The following WNK4 variants were observed in gnomAD, a reference collection of about 807,000 sequenced individuals.
WNK4 encodes the protein WNK lysine deficient protein kinase 4, also known as serine/threonine-protein kinase WNK4.
A neutral mutation model predicts 116.2 loss-of-function variants in WNK4; 94 were observed. That is an observed-to-expected ratio of 0.81 (90% CI 0.68 to 0.96). The LOEUF is 0.96. WNK4 is among the 40% of genes least tolerant of loss of function. The pLI, the probability that WNK4 is intolerant of heterozygous loss-of-function variation, is 0.00. For synonymous variants in WNK4, 655 were observed against 672.7 expected, an observed-to-expected ratio of 0.97 and a Z score of 0.41; for missense variants, 1,542 against 1,650.6, an observed-to-expected ratio of 0.93 and a Z score of 1.14.
In WNK4 at chr17:42,794,601, T is replaced by C. The variant is rs2054641608; in HGVS notation, c.2296-13T>C. 1 of 1,613,824 alleles carries C rather than the reference T, an allele frequency of 6.2e-7. No homozygotes were observed. Among genetic ancestry groups the C allele is most frequent in the Non-Finnish European group, 8.5e-7 (1 of 1,179,932 alleles). On this transcript the variant is annotated splice_polypyrimidine_tract_variant and intron_variant, in intron 12 of 18. Coordinates refer to ENST00000246914, the MANE Select transcript of WNK4 (RefSeq NM_032387.5). ...TTCCCCACTGTGACTGCGGACTCCTTTTTCTGCCTCAGGAGGAGCCAGCAC... is the reference window on the plus strand; with the variant it reads ...TTCCCCACTGTGACTGCGGACTCCTCTTTCTGCCTCAGGAGGAGCCAGCAC...
In WNK4 at chr17:42,785,184, A is replaced by T; in HGVS notation, c.1258A>T (p.Arg420Trp). The T allele has an allele frequency of 6.2e-7, 1 of 1,613,290 alleles. No homozygotes were observed. The highest frequency in any genetic ancestry group is 8.5e-7 in the Non-Finnish European group (1 of 1,179,624). ...EGCIRTDKNE[R>W]FTIQDLLAHA... The stretch of plus-strand genomic sequence containing the variant: ...CTGCATCCGCACGGATAAGAACGAG[A>T]GGTGGGGGTGAAAGGGCAGAGCGTG... Residue 420 changes from arginine to tryptophan, a missense_variant and splice_region_variant, in exon 5 of 19, where the codon AGG becomes TGG. Around this residue, in one of 7 missense-constraint regions of WNK4, gnomAD observed 808 missense variants for 873.6 expected, o/e 0.92. Coordinates refer to ENST00000246914, the MANE Select transcript of WNK4 (RefSeq NM_032387.5).
chr17:42,795,586 C>T (rs376827362), intron 15 of WNK4, 39 bp from the exon 16 acceptor site: 9 of 1,614,234 alleles, frequency 5.6e-6, no homozygotes, highest in Middle Eastern at 3.3e-4. Flanking sequence ...CCTGTCACTG[C>T]TCTCCTTTCC....
At position 42,787,785 on chromosome 17, in the gene WNK4, C is replaced by T. The variant is rs1480992784; in HGVS notation, c.1749C>T (p.Cys583=). The stretch of plus-strand genomic sequence containing the variant: ...CTCTCCCTCCCCAACCAGCGGATTG[C>T]GAGACTGATGGCTACCTCAGCTCCT... ...HASYSSTTSD[C]ETDGYLSSSG... The change falls in exon 8 of 19, where the codon TGC becomes TGT. Residue 583 remains cysteine, a synonymous_variant. Transcript: ENST00000246914. 1.4e-5 allele frequency: 22 copies of T among 1,612,050 alleles called. No individual in the cohort carries two copies. The highest frequency in any genetic ancestry group is 1.6e-4 in the Middle Eastern group (1 of 6,084).
Position 42,788,820 on chromosome 17 carries a change from CAG to C in WNK4, c.2157+26_2157+27del, listed in dbSNP as rs756786942. 5.0e-6 allele frequency: 8 copies of C among 1,585,094 alleles called. No individual in the cohort carries two copies. The African/African-American group carries it at 6.7e-5, about 13-fold the overall frequency. On this transcript the variant is annotated intron_variant, in intron 11 of 18. Coordinates refer to ENST00000246914, the MANE Select transcript of WNK4 (RefSeq NM_032387.5). The stretch of plus-strand genomic sequence containing the variant: ...ATGGTGAGGGGGAGAGAGATGAGGA[CAG>C]AGTGTTTGGATCTGGAACAAGAGTC...
At chr17:42,786,368 G>A (rs1238148793) in intron 6 of WNK4, among the ~76,000 whole-genome samples, 2 of 152,188 alleles carry the variant, frequency 1.3e-5, no homozygotes, top group African/African-American at 2.4e-5. Context: ...TTGGGGGCTG[G>A]CTTAGGAAGT....
At chr17:42,791,589 C>T (rs144585279) in intron 11 of WNK4, among the ~76,000 whole-genome samples, 5 of 150,948 alleles carry the variant, frequency 3.3e-5, no homozygotes, top group Non-Finnish European at 5.9e-5. Context: ...CGGTGAGCCA[C>T]GGTCATACCA....
In WNK4 at chr17:42,780,919, C is replaced by T. The variant is rs763524017; in HGVS notation, c.221C>T (p.Ser74Phe). Residue 74 changes from serine to phenylalanine, a missense_variant, in exon 1 of 19, where the codon TCC becomes TTC. Around this residue, in one of 7 missense-constraint regions of WNK4, gnomAD observed 243 missense variants for 217.8 expected, o/e 1.12. Transcript: ENST00000246914. ...SVDLGLLSSWSLPASPAPDPP... is the reference protein window; with the variant it reads ...SVDLGLLSSWFLPASPAPDPP... ...GACTTGGGGCTGCTGAGCTCTTGGTCCCTGCCAGCCTCACCCGCTCCGGAC... is the reference window on the plus strand; with the variant it reads ...GACTTGGGGCTGCTGAGCTCTTGGTTCCTGCCAGCCTCACCCGCTCCGGAC... 1.2e-6 allele frequency: 2 copies of T among 1,608,640 alleles called. No homozygotes were observed. Among genetic ancestry groups the T allele is most frequent in the Admixed American group, 3.3e-5 (2 of 60,026 alleles).
chr17:42,786,438 G>T (rs1242237021), intron 6 of WNK4, among the ~76,000 whole-genome samples: 4 of 152,162 alleles, frequency 2.6e-5, no homozygotes, highest in Non-Finnish European at 5.9e-5. Context: ...TGTCACCCAG[G>T]CTGGAGTGCA....
Position 42,780,611 on chromosome 17 carries a change from G to GAGCGC in WNK4, c.-81_-77dup, listed in dbSNP as rs2054469799. The GAGCGC allele has an allele frequency of 6.4e-7, 1 of 1,553,510 alleles. No homozygotes were observed. The highest frequency in any genetic ancestry group is 1.4e-5 in the African/African-American group (1 of 71,852). On this transcript the variant is annotated 5_prime_UTR_variant, in exon 1 of 19. Transcript: ENST00000246914. ...GGCTGGGGCCGCAGCCGCTCAGCCGGAGCGCAGCGCACCCAGCGAGTCCGT... is the reference window on the plus strand; with the variant it reads ...GGCTGGGGCCGCAGCCGCTCAGCCGGAGCGCAGCGCAGCGCACCCAGCGAGTCCGT...
chr17:42,796,058 TGAGAG>T, intron 16 of WNK4, 25 bp downstream of exon 16: 1 of 1,613,532 alleles, frequency 6.2e-7, no homozygotes, highest in Non-Finnish European at 8.5e-7. Flanking sequence ...GATGGAGGAG[TGAGAG>T]GAGAACCTGG....
Position 42,796,678 on chromosome 17 carries a change from C to T in WNK4, c.3730-8C>T. 1 of 1,614,154 alleles carries T rather than the reference C, an allele frequency of 6.2e-7. No individual in the cohort carries two copies. The highest frequency in any genetic ancestry group is 8.5e-7 in the Non-Finnish European group (1 of 1,180,022). On this transcript the variant is annotated splice_region_variant and splice_polypyrimidine_tract_variant and intron_variant, in intron 18 of 18. Coordinates refer to ENST00000246914, the MANE Select transcript of WNK4 (RefSeq NM_032387.5). ...AGGTTTCTTCATCACTTTTTCTTTT[C>T]CCTCCAGTGAATTCAGAACAGAAGC...
At chr17:42,795,599 A>C in intron 15 of WNK4, 26 bp from the exon 16 acceptor site, 1 of 1,613,916 alleles carries the variant, frequency 6.2e-7, no homozygotes, top group Non-Finnish European at 8.5e-7. Context: ...TCCTTTCCTC[A>C]TGCCTTCTTC....
chr17:42,780,911 C>G lies in WNK4; in HGVS notation c.213C>G (p.Ser71Arg). ...RRSSVDLGLL[S>R]SWSLPASPAP... ...GCTCAGTCGACTTGGGGCTGCTGAG[C>G]TCTTGGTCCCTGCCAGCCTCACCCG... Residue 71 changes from serine to arginine, a missense_variant, in exon 1 of 19, where the codon AGC becomes AGG. Ser to Arg is a moderately radical substitution (Grantham distance 110). This residue lies in a region of WNK4 where 243 missense variants were observed against 217.8 expected (regional missense o/e 1.12). Coordinates refer to ENST00000246914, the MANE Select transcript of WNK4 (RefSeq NM_032387.5). 6.2e-7 allele frequency: 1 copy of G among 1,608,064 alleles called. No individual in the cohort carries two copies. The highest frequency in any genetic ancestry group is 8.5e-7 in the Non-Finnish European group (1 of 1,179,712).
chr17:42,792,419 C>A (rs1446294910), intron 11 of WNK4, among the ~76,000 whole-genome samples: 2 of 152,138 alleles, frequency 1.3e-5, no homozygotes, highest in African/African-American at 4.8e-5. Flanking sequence ...CCACCGTAAC[C>A]ATTTTTAAGT....
chr17:42,788,924 C>A, intron 11 of WNK4, 127 bp downstream of exon 11: 2 of 789,750 alleles, frequency 2.5e-6, no homozygotes, highest in Non-Finnish European at 4.5e-6. Flanking sequence ...TGACACTTAG[C>A]ACAGTAACGC....
At chr17:42,793,957 A>G (rs1488403756) in intron 12 of WNK4, 1 of 502,596 alleles carries the variant, frequency 2.0e-6, no homozygotes, top group Non-Finnish European at 3.6e-6. Flanking sequence ...GGTTCACGCC[A>G]TTCTCCTGTC....
chr17:42,785,244 C>G, intron 5 of WNK4, 22 bp from the exon 6 acceptor site: 1 of 1,607,028 alleles, frequency 6.2e-7, no homozygotes, highest in Non-Finnish European at 8.5e-7. Context: ...GCGGGCTCGG[C>G]TCACCCACGC....
rs1256691232 is a variant in WNK4 at position 42,795,872 on chromosome 17, T to C, written c.3270T>C (p.Asp1090=). ...LGAGVEEEGD[D]GKEPQVGGSP... ...CTGGAGTTGAGGAGGAAGGAGATGA[T>C]GGGAAGGAACCCCAAGTTGGGGGCA... The change falls in exon 16 of 19, where the codon GAT becomes GAC. Residue 1090 remains aspartate (D), a synonymous_variant. Transcript: ENST00000246914. 6 of 1,612,292 alleles carry C rather than the reference T, an allele frequency of 3.7e-6. No homozygotes were observed. The highest frequency in any genetic ancestry group is 1.3e-5 in the African/African-American group (1 of 74,800).
intron 10 of WNK4, 104 bp from the exon 11 acceptor site, chr17:42,788,577 C>A: frequency 8.5e-7 from 1 of 1,179,572 alleles, no homozygotes. Flanking sequence ...GTCTACTTAT[C>A]TCCAAGTCCA....
Sources: gnomAD v4.1 joint callset for allele counts (sites outside exome capture counted in the v4.1 genomes callset) on GRCh38, gnomAD v4.1.1 for gene constraint, gnomAD v4.1.1 regional missense constraint, MANE v1.5 for transcripts, NCBI Gene and HGNC (gene_info 2026-07-23, HGNC 2026-07-21) for gene names.